Variants in DLGAP2 observed in about 807,000 individuals in gnomAD.
DLGAP2 encodes the protein DLG associated protein 2, also known as disks large-associated protein 2.
Under a neutral mutation model 100.3 loss-of-function variants are expected in DLGAP2, and 26 were observed. The ratio of observed to expected loss-of-function variants is 0.26; its 90% CI spans 0.19 to 0.36. DLGAP2 has a LOEUF of 0.36. Among genes scored for constraint, DLGAP2 ranks in the 10% least tolerant of loss-of-function variants. The pLI is 1.00. For synonymous variants in DLGAP2, 886 were observed against 630.1 expected (o/e 1.41, Z -6.08); for missense variants, 1,858 against 1,453.2 (o/e 1.28, Z -4.53).
At chr8:1,041,697 AGCCCCTTGCCGTGGGTG>A (rs1802354657) in intron 2 of DLGAP2, among the ~76,000 whole-genome samples, 1 of 80,450 alleles carries the variant, frequency 1.2e-5, no homozygotes. Context: ...GTGTTCTCCG[AGCCCCTTGCCGTGGGTG>A]AGTGTTCTCC....
chr8:1,689,171 G>C (rs1799188456), intron 12 of DLGAP2, among the ~76,000 whole-genome samples: 1 of 152,208 alleles, frequency 6.6e-6, no homozygotes, highest in South Asian at 2.1e-4. Flanking sequence ...CTTCTGGAAA[G>C]GCTGTCTAGG....
chr8:1,037,396 A>G (rs1802160750), intron 2 of DLGAP2, among the ~76,000 whole-genome samples: 1 of 152,018 alleles, frequency 6.6e-6, no homozygotes, highest in Non-Finnish European at 1.5e-5. Context: ...CCTCGGTGTT[A>G]TCATTGACTC....
At chr8:1,571,799 A>G (rs371856823) in intron 6 of DLGAP2, among the ~76,000 whole-genome samples, 42 of 54,882 alleles carry the variant, frequency 7.7e-4, no homozygotes, top group African/African-American at 1.2e-3. Context: ...GGGGTGAACT[A>G]TGGGGCGTCT....
rs535154529 is a variant in DLGAP2 at position 1,052,656 on chromosome 8, A to G, written c.73+144690A>G. Among the ~76,000 whole-genome samples, 7 of 152,282 alleles carry G rather than the reference A, an allele frequency of 4.6e-5. No individual in the cohort carries two copies. In the South Asian group the frequency reaches 1.5e-3, roughly 32 times the overall value. The stretch of plus-strand genomic sequence containing the variant: ...TAGGAACAAACCCCATAGATGTTGC[A>G]TTGGCCTAGTAGGGGGGCAGTTTGT... On this transcript the variant is annotated intron_variant, in intron 2 of 14. Coordinates refer to ENST00000637795, the MANE Select transcript of DLGAP2 (RefSeq NM_001346810.2).
At chr8:1,362,435 G>T (rs578172903) in intron 3 of DLGAP2, among the ~76,000 whole-genome samples, 2 of 151,708 alleles carry the variant, frequency 1.3e-5, no homozygotes, top group African/African-American at 4.9e-5. Flanking sequence ...CCCTCGGGAG[G>T]CTCGGTAAGG....
chr8:1,461,820 A>T (rs1488497770), intron 3 of DLGAP2, among the ~76,000 whole-genome samples: 2 of 8,470 alleles, frequency 2.4e-4, no homozygotes, highest in Non-Finnish European at 3.8e-4. Flanking sequence ...GGCGGCGTTC[A>T]GGTTGGGAGA....
At chr8:781,728 A>G (rs549862094) in intron 1 of DLGAP2, among the ~76,000 whole-genome samples, 1 of 152,356 alleles carries the variant, frequency 6.6e-6, no homozygotes, top group Non-Finnish European at 1.5e-5. Flanking sequence ...CACAAAGCAC[A>G]TGAAAAATTT....
At position 1,630,849 on chromosome 8, in the gene DLGAP2, T is replaced by C. The variant is rs114662400; in HGVS notation, c.1591-1978T>C. 9.4e-3 allele frequency among the ~76,000 whole-genome samples: 1,434 copies of C among 152,192 alleles called. 22 individuals are homozygous for C. Among genetic ancestry groups the C allele is most frequent in the African/African-American group, 0.033 (1,361 of 41,480 alleles). On this transcript the variant is annotated intron_variant, in intron 7 of 14. Transcript: ENST00000637795. ...TGGAACCTCAGTAGCTGCACTCTGCTTGGGTTTCCTGCAGCTCATGTCCCG... is the reference window on the plus strand; with the variant it reads ...TGGAACCTCAGTAGCTGCACTCTGCCTGGGTTTCCTGCAGCTCATGTCCCG...
At chr8:1,130,797 C>A (rs116106676) in intron 2 of DLGAP2, among the ~76,000 whole-genome samples, 4,311 of 152,318 alleles carry the variant, frequency 0.028, 209 homozygotes, top group African/African-American at 0.097. Context: ...CAGCACGCCC[C>A]CAGCTCTGCA....
intron 8 of DLGAP2, among the ~76,000 whole-genome samples, chr8:1,654,434 G>A (rs1279964027): frequency 6.6e-6 from 1 of 152,130 alleles, no homozygotes; most frequent in Non-Finnish European, 1.5e-5. Flanking sequence ...GGCAGAGGCG[G>A]GTGGATCACC....
At chr8:1,531,235 CGTGTGCGTGTGTGTGTGTGTGT>C (rs1224533478) in intron 4 of DLGAP2, among the ~76,000 whole-genome samples, 3 of 140,130 alleles carry the variant, frequency 2.1e-5, no homozygotes, top group Admixed American at 7.0e-5. Flanking sequence ...TATTAGAGAG[CGTGTGCGTGTGTGTGTGTGTGT>C]GTGTGTGTGT....
chr8:1,391,914 G>C (rs1049083665), intron 3 of DLGAP2, among the ~76,000 whole-genome samples: 27 of 152,338 alleles, frequency 1.8e-4, no homozygotes, highest in African/African-American at 6.5e-4. Context: ...AACCAACAAG[G>C]GGCCATGGAG....
chr8:1,458,096 C>T (rs915026943), intron 3 of DLGAP2, among the ~76,000 whole-genome samples: 26 of 146,510 alleles, frequency 1.8e-4, no homozygotes, highest in South Asian at 6.4e-4. Flanking sequence ...TTAGTAGAGA[C>T]GGGGTTTCAC....
At chr8:1,290,552 C>T (rs1800035438) in intron 3 of DLGAP2, among the ~76,000 whole-genome samples, 1 of 152,200 alleles carries the variant, frequency 6.6e-6, no homozygotes, top group African/African-American at 2.4e-5. Flanking sequence ...AGAGACAAGT[C>T]ACCCGCAGAG....
rs1799732547 is a variant in DLGAP2 at position 1,707,232 on chromosome 8, A to G, written c.*5826A>G. ...TCACCTACTCAATGGAGGAGAGGTG[A>G]TAATGAATGAAAAGATTGACACCAG... On this transcript the variant is annotated 3_prime_UTR_variant, in exon 15 of 15. Transcript: ENST00000637795. 1 of 152,640 alleles carries G rather than the reference A, an allele frequency of 6.6e-6. No individual in the cohort carries two copies. The highest frequency in any genetic ancestry group is 2.4e-5 in the African/African-American group (1 of 41,450). 9.5% of individuals were successfully genotyped at this position (152,640 alleles called of 1,614,324 possible).
At chr8:1,380,100 C>G (rs1331302311) in intron 3 of DLGAP2, 1 of 152,176 alleles carries the variant, frequency 6.6e-6, no homozygotes, top group East Asian at 1.9e-4. Context: ...GGGTCTCATT[C>G]TCTTTTATGT....
At chr8:1,175,833 G>C (rs1261978300) in intron 2 of DLGAP2, among the ~76,000 whole-genome samples, 1 of 152,168 alleles carries the variant, frequency 6.6e-6, no homozygotes, top group Non-Finnish European at 1.5e-5. Context: ...AAGGCACTCG[G>C]CATTGGATTT....
chr8:1,664,621 T>C (rs1400222116), intron 8 of DLGAP2, among the ~76,000 whole-genome samples: 3 of 152,196 alleles, frequency 2.0e-5, no homozygotes, highest in Admixed American at 1.3e-4. Context: ...TCAGCCCCCT[T>C]ATCAATGGTC....
intron 2 of DLGAP2, among the ~76,000 whole-genome samples, chr8:1,020,534 C>A (rs186598198): frequency 6.6e-6 from 1 of 152,172 alleles, no homozygotes. Context: ...AGATGGTGCT[C>A]ACACAATGTG....
Sources: allele counts gnomAD v4.1 joint callset (sites outside exome capture counted in the v4.1 genomes callset), GRCh38; gene constraint gnomAD v4.1.1; transcripts MANE v1.5; gene names NCBI Gene and HGNC (gene_info 2026-07-23, HGNC 2026-07-21).